DYNC2H1: variants seen among roughly 807,000 people sequenced by gnomAD.
DYNC2H1 encodes cytoplasmic dynein 2 heavy chain 1.
A neutral mutation model predicts 570.0 loss-of-function variants in DYNC2H1; 410 were observed. The observed-to-expected ratio is 0.72, with a 90% CI of 0.66 to 0.78. DYNC2H1 has a LOEUF of 0.78. Ranked by LOEUF, DYNC2H1 falls within the 30% of genes least tolerant of loss-of-function variation. The pLI, the probability that DYNC2H1 is intolerant of heterozygous loss-of-function variation, is 0.00. For synonymous variants in DYNC2H1, 1,688 were observed against 1,677.6 expected (o/e 1.01, Z -0.15); for missense variants, 4,865 against 5,046.4 (o/e 0.96, Z 1.09).
chr11:103,466,472 A>G (rs564647165), intron 87 of DYNC2H1, among the ~76,000 whole-genome samples: 1 of 152,292 alleles, frequency 6.6e-6, no homozygotes, highest in East Asian at 1.9e-4. Context: ...CAGGCCACAG[A>G]CTAGGAAAAG....
intron 83 of DYNC2H1, among the ~76,000 whole-genome samples, chr11:103,370,286 ACAATACT>A (rs1171078225): frequency 6.6e-6 from 1 of 152,242 alleles, no homozygotes; most frequent in Non-Finnish European, 1.5e-5. Flanking sequence ...TTTGAGTGGC[ACAATACT>A]CAGCTGCAAT....
chr11:103,285,549 A>G (rs1239049525), intron 73 of DYNC2H1, among the ~76,000 whole-genome samples: 1 of 149,956 alleles, frequency 6.7e-6, no homozygotes, highest in African/African-American at 2.5e-5. Flanking sequence ...CAGCCTCCCG[A>G]GTAGCTGTGA....
Position 103,479,553 on chromosome 11 carries a change from A to G in DYNC2H1, c.*300A>G, listed in dbSNP as rs761029571. The G allele has an allele frequency of 2.5e-4, 50 of 196,170 alleles. No homozygotes were observed. The highest frequency in any genetic ancestry group is 8.8e-4 in the African/African-American group (38 of 43,294). The allele number at this position is 196,170 out of a possible 1,614,324, so 12.2% of individuals were successfully genotyped here. On this transcript the variant is annotated 3_prime_UTR_variant, in exon 89 of 89. Coordinates refer to ENST00000375735, the MANE Select transcript of DYNC2H1 (RefSeq NM_001377.3). The stretch of plus-strand genomic sequence containing the variant: ...TTTTAGGTCAGAGATTTTAAGTGGT[A>G]TATTAACCAATAATAAATATTTTGG...
At chr11:103,451,521 C>T (rs1032314928) in intron 85 of DYNC2H1, among the ~76,000 whole-genome samples, 1 of 151,766 alleles carries the variant, frequency 6.6e-6, no homozygotes, top group Non-Finnish European at 1.5e-5. Context: ...TTAGTAGAGA[C>T]GGGGTTTTGC....
At chr11:103,273,161 TTTCTC>T (rs1369262945) in intron 70 of DYNC2H1, among the ~76,000 whole-genome samples, 1 of 151,556 alleles carries the variant, frequency 6.6e-6, no homozygotes, top group African/African-American at 2.4e-5. Context: ...TTCTTTTTCT[TTTCTC>T]TTCTCTTCTC....
chr11:103,355,554 C>T (rs553050385), intron 82 of DYNC2H1, among the ~76,000 whole-genome samples: 71 of 152,206 alleles, frequency 4.7e-4, no homozygotes, highest in African/African-American at 1.6e-3. Flanking sequence ...AAGGAAAATA[C>T]AATTATGTAT....
At chr11:103,292,328 C>T (rs1866648514) in intron 75 of DYNC2H1, among the ~76,000 whole-genome samples, 1 of 152,052 alleles carries the variant, frequency 6.6e-6, no homozygotes, top group Non-Finnish European at 1.5e-5. Context: ...CTGATGACAA[C>T]TTAACTCTGA....
At chr11:103,198,840 T>G (rs2135077530) in intron 48 of DYNC2H1, among the ~76,000 whole-genome samples, 1 of 152,258 alleles carries the variant, frequency 6.6e-6, no homozygotes, top group Middle Eastern at 3.4e-3. Context: ...CACAAAAGAT[T>G]TTTTAGGCAC....
chr11:103,209,008 G>T lies in DYNC2H1; in HGVS notation c.8455-868G>T, dbSNP rs1262524181. On this transcript the variant is annotated intron_variant, in intron 52 of 88. Transcript: ENST00000375735. The surrounding 1 kb of genome is among the most constrained non-coding windows in gnomAD (Gnocchi z 4.2). ...ATAAGTTTAAAATATTCTCGTATAG[G>T]TTTAAGTGTTTTGTCAGAAATCAGT... is the stretch of plus-strand genomic sequence containing the variant. 6.6e-6 allele frequency among the ~76,000 whole-genome samples: 1 copy of T among 152,054 alleles called. No homozygotes were observed. The highest frequency in any genetic ancestry group is 1.5e-5 in the Non-Finnish European group (1 of 67,996).
At chr11:103,240,026 C>G (rs1466822769) in intron 63 of DYNC2H1, among the ~76,000 whole-genome samples, 2 of 139,982 alleles carry the variant, frequency 1.4e-5, no homozygotes, top group Admixed American at 1.4e-4. Context: ...CTAAATTCAC[C>G]ATTTTTTAAG....
Position 103,115,442 on chromosome 11 carries a change from A to G in DYNC2H1, c.621+147A>G, listed in dbSNP as rs1008157528. ...ATATGGAGAAAACTTTAAGTTGTATATGTAAAATGAATTGAGAAATCCAAA... is the reference window on the plus strand; with the variant it reads ...ATATGGAGAAAACTTTAAGTTGTATGTGTAAAATGAATTGAGAAATCCAAA... On this transcript the variant is annotated intron_variant, in intron 4 of 88. Coordinates refer to ENST00000375735, the MANE Select transcript of DYNC2H1 (RefSeq NM_001377.3). 4.5e-5 allele frequency: 23 copies of G among 516,464 alleles called. No homozygotes were observed. In the South Asian group the frequency reaches 5.3e-4, roughly 12 times the overall value. 32.0% of individuals were successfully genotyped at this position (516,464 alleles called of 1,614,324 possible).
At chr11:103,127,850 A>G (rs893758427) in intron 12 of DYNC2H1, among the ~76,000 whole-genome samples, 1 of 152,252 alleles carries the variant, frequency 6.6e-6, no homozygotes, top group Non-Finnish European at 1.5e-5. Context: ...GACAGATAAC[A>G]AACACATAAA....
chr11:103,286,128 C>G, intron 73 of DYNC2H1, 127 bp from the exon 74 acceptor site: 1 of 1,261,934 alleles, frequency 7.9e-7, no homozygotes, highest in East Asian at 2.4e-5. Flanking sequence ...TTAGACAAGG[C>G]AACACAAAGT....
Position 103,365,376 on chromosome 11 carries a change from A to G in DYNC2H1, c.12156+7017A>G, listed in dbSNP as rs75353255. Among the ~76,000 whole-genome samples, 463 of 151,588 alleles carry G rather than the reference A, an allele frequency of 3.1e-3. 4 individuals carry two copies. Among genetic ancestry groups the G allele is most frequent in the African/African-American group, 0.011 (448 of 41,370 alleles). On this transcript the variant is annotated intron_variant, in intron 83 of 88. Transcript: ENST00000375735. ...AATTCCGGCTCAGGAAAAAAAAAAA[A>G]GTGTATTGGCCTTTTGTAATTAAAT... is the stretch of plus-strand genomic sequence containing the variant.
chr11:103,210,147 A>G (rs1332379295), intron 53 of DYNC2H1, among the ~76,000 whole-genome samples, 187 bp downstream of exon 53: 1 of 152,002 alleles, frequency 6.6e-6, no homozygotes, highest in Non-Finnish European at 1.5e-5. Flanking sequence ...ATGGTATGTC[A>G]TTTAACCTAG....
At chr11:103,402,783 T>C (rs1355588008) in intron 84 of DYNC2H1, 1 of 152,152 alleles carries the variant, frequency 6.6e-6, no homozygotes, top group African/African-American at 2.4e-5. Context: ...TAATGTTGGC[T>C]GTTAATCACT....
intron 78 of DYNC2H1, among the ~76,000 whole-genome samples, chr11:103,308,216 T>G (rs1014851379): frequency 2.0e-5 from 3 of 152,210 alleles, no homozygotes; most frequent in Non-Finnish European, 2.9e-5. Context: ...ACCACCATTT[T>G]ACTTTCTAAG....
rs1422088286 is a variant in DYNC2H1, at chr11:103,181,553, T to A, written c.6348-204T>A. ...ATATATACCTATATGCATGTGTGTT[T>A]GTATATATTATGTGTATGTATACAC... On this transcript the variant is annotated intron_variant, in intron 39 of 88. Transcript: ENST00000375735. The surrounding 1 kb of genome is among the most constrained non-coding windows in gnomAD (Gnocchi z 5.0). Among the ~76,000 whole-genome samples, 2 of 151,670 alleles carry A rather than the reference T, an allele frequency of 1.3e-5. No individual in the cohort carries two copies. Among genetic ancestry groups the A allele is most frequent in the African/African-American group, 4.8e-5 (2 of 41,378 alleles).
At chr11:103,376,319 G>C (rs1034200235) in intron 83 of DYNC2H1, among the ~76,000 whole-genome samples, 1 of 152,134 alleles carries the variant, frequency 6.6e-6, no homozygotes, top group Non-Finnish European at 1.5e-5. Flanking sequence ...TAATATTTAA[G>C]GTTATTAATA....
Sources: allele counts gnomAD v4.1 joint callset (sites outside exome capture counted in the v4.1 genomes callset), GRCh38; gene constraint gnomAD v4.1.1; non-coding constraint Gnocchi (gnomAD v3.1); transcripts MANE v1.5; gene names NCBI Gene and HGNC (gene_info 2026-07-23, HGNC 2026-07-21).